EDDM13: variants seen among roughly 807,000 people sequenced by gnomAD.
EDDM13 encodes epididymal protein 13.
A neutral mutation model predicts 17.8 loss-of-function variants in EDDM13; 24 were observed. The ratio of observed to expected loss-of-function variants is 1.35; its 90% CI spans 0.98 to 1.90. The LOEUF is 1.90. Ranked by LOEUF, EDDM13 falls within the 40% of genes most tolerant of loss-of-function variation. The pLI, the probability that EDDM13 is intolerant of heterozygous loss-of-function variation, is 0.00. For missense variants in EDDM13, 97 were observed against 100.8 expected (o/e 0.96, Z 0.16); for synonymous variants, 31 against 37.5 (o/e 0.83, Z 0.63).
intron 9 of EDDM13, among the ~76,000 whole-genome samples, chr19:56,292,651 C>T (rs1421816006): frequency 6.6e-6 from 1 of 151,964 alleles, no homozygotes; most frequent in Non-Finnish European, 1.5e-5. Context: ...GCAACCATCA[C>T]CACTGACTCC....
chr19:56,287,737 GA>G (rs979562257), intron 6 of EDDM13, among the ~76,000 whole-genome samples: 7 of 152,206 alleles, frequency 4.6e-5, no homozygotes, highest in Non-Finnish European at 1.0e-4. Flanking sequence ...AACAGGTGGG[GA>G]AACTGAGGGC....
intron 8 of EDDM13, among the ~76,000 whole-genome samples, chr19:56,289,596 G>A (rs1420958982): frequency 6.6e-6 from 1 of 152,122 alleles, no homozygotes; most frequent in Non-Finnish European, 1.5e-5. Context: ...TTTCTCTTGT[G>A]TGTGGTGGTC....
intron 12 of EDDM13, 54 bp from the exon 13 acceptor site, chr19:56,301,914 C>T: frequency 8.1e-7 from 1 of 1,231,884 alleles, no homozygotes; most frequent in South Asian, 4.1e-5. Context: ...ACAGGAAGCT[C>T]TAAGGCAGGA....
rs185302471 is a variant in EDDM13, at chr19:56,302,397, A to G, written c.423+302A>G. Among the ~76,000 whole-genome samples the G allele has an allele frequency of 5.8e-3, 565 of 98,054 alleles. 18 individuals carry two copies. The East Asian group carries it at 0.14, about 24-fold the overall frequency. The allele number at this position is 98,054 out of a possible 152,430, so 64.3% of individuals were successfully genotyped here. A position where few individuals can be genotyped will look rare whatever the true frequency, so the allele number is the denominator to read the frequency against. ...TCCTCCTTCTCTCTCCTCCCTCCCT[A>G]TTCTTTCCTCCTCCCTTCATCCCTC... is the stretch of plus-strand genomic sequence containing the variant. On this transcript the variant is annotated intron_variant, in intron 13 of 14. Coordinates refer to ENST00000649256, the MANE Select transcript of EDDM13 (RefSeq NM_001354658.2).
intron 9 of EDDM13, 145 bp from the exon 10 acceptor site, chr19:56,295,814 T>C: frequency 6.5e-6 from 1 of 153,368 alleles, no homozygotes; most frequent in Non-Finnish European, 1.5e-5. Flanking sequence ...TGTGCTCCCA[T>C]CGCTCTGTCT....
At chr19:56,288,540 C>T (rs902305574) in intron 7 of EDDM13, among the ~76,000 whole-genome samples, 102 bp downstream of exon 7, 1 of 152,200 alleles carries the variant, frequency 6.6e-6, no homozygotes, top group African/African-American at 2.4e-5. Flanking sequence ...TTGCTGTCTG[C>T]TTCTCTCTGA....
intron 8 of EDDM13, among the ~76,000 whole-genome samples, chr19:56,289,567 T>A (rs1487753415): frequency 1.3e-5 from 2 of 152,156 alleles, no homozygotes; most frequent in Non-Finnish European, 2.9e-5. Context: ...GTATGGCACA[T>A]AGTTGGACCA....
At chr19:56,308,006 C>A (rs374347280) in intron 14 of EDDM13, among the ~76,000 whole-genome samples, 1 of 152,160 alleles carries the variant, frequency 6.6e-6, no homozygotes, top group African/African-American at 2.4e-5. Context: ...TTCTCTTGAT[C>A]CCCCCACCCA....
intron 12 of EDDM13, among the ~76,000 whole-genome samples, chr19:56,301,565 C>A (rs1443381538): frequency 6.6e-6 from 1 of 152,150 alleles, no homozygotes; most frequent in African/African-American, 2.4e-5. Context: ...CTTGTGCCAA[C>A]CTCCTATTGT....
chr19:56,291,326 C>T (rs1182051279), intron 9 of EDDM13, among the ~76,000 whole-genome samples: 1 of 152,108 alleles, frequency 6.6e-6, no homozygotes, highest in Non-Finnish European at 1.5e-5. Context: ...AAGATGAATC[C>T]CCACGGAAAC....
chr19:56,296,568 C>G (rs569010682), intron 11 of EDDM13, among the ~76,000 whole-genome samples: 1 of 152,106 alleles, frequency 6.6e-6, no homozygotes, highest in African/African-American at 2.4e-5. Flanking sequence ...AAATGTTATT[C>G]TAGGTGTTAG....
intron 9 of EDDM13, among the ~76,000 whole-genome samples, 188 bp downstream of exon 9, chr19:56,291,034 G>A (rs1340060947): frequency 2.0e-5 from 3 of 152,202 alleles, no homozygotes; most frequent in Admixed American, 1.3e-4. Flanking sequence ...CCCAGATTGT[G>A]TGGAGAGCCG....
intron 1 of EDDM13, among the ~76,000 whole-genome samples, chr19:56,273,468 A>G (rs4801307): frequency 0.13 from 19,400 of 152,030 alleles, 1,624 homozygotes; most frequent in Middle Eastern, 0.2. Flanking sequence ...TAGTGATGAA[A>G]ATAGTTCTGT....
intron 12 of EDDM13, among the ~76,000 whole-genome samples, chr19:56,298,383 A>G (rs1457083156): frequency 1.3e-5 from 2 of 152,130 alleles, no homozygotes; most frequent in Non-Finnish European, 2.9e-5. Flanking sequence ...CACATCTGTA[A>G]TCCCAGCATT....
At chr19:56,304,204 G>A (rs1028180890) in intron 13 of EDDM13, among the ~76,000 whole-genome samples, 19 of 152,238 alleles carry the variant, frequency 1.2e-4, no homozygotes, top group African/African-American at 4.1e-4. Flanking sequence ...GGACCTGGCG[G>A]TGCTCATGGA....
At chr19:56,273,905 T>A (rs750715147) in intron 1 of EDDM13, among the ~76,000 whole-genome samples, 2 of 152,150 alleles carry the variant, frequency 1.3e-5, no homozygotes, top group Admixed American at 1.3e-4. Flanking sequence ...TTAAACAATG[T>A]GTCTTGCCCT....
intron 2 of EDDM13, among the ~76,000 whole-genome samples, chr19:56,277,017 G>T (rs186322464): frequency 4.6e-4 from 70 of 152,248 alleles, no homozygotes; most frequent in African/African-American, 1.6e-3. Context: ...TCAGAAAAAT[G>T]GAAGCCAAAG....
intron 2 of EDDM13, among the ~76,000 whole-genome samples, chr19:56,278,567 G>C (rs550283258): frequency 8.0e-4 from 122 of 152,316 alleles, no homozygotes; most frequent in African/African-American, 2.8e-3. Flanking sequence ...TATACATATA[G>C]ATACATATAT....
rs1261120797 is a variant in EDDM13 at position 56,290,859 on chromosome 19, T to C, written c.232+13T>C. Among the ~76,000 whole-genome samples the C allele has an allele frequency of 2.6e-5, 4 of 152,204 alleles. No homozygotes were observed. Among genetic ancestry groups the C allele is most frequent in the Admixed American group, 2.6e-4 (4 of 15,278 alleles). On this transcript the variant is annotated intron_variant, in intron 9 of 14. Transcript: ENST00000649256. ...CCTCCAGTAAAAAGTAAGTTATTTTTCCTTTCCTATGGGTCACTTGGAAGT... is the reference window on the plus strand; with the variant it reads ...CCTCCAGTAAAAAGTAAGTTATTTTCCCTTTCCTATGGGTCACTTGGAAGT...
Sources: gnomAD v4.1 joint callset for allele counts (sites outside exome capture counted in the v4.1 genomes callset) on GRCh38, gnomAD v4.1.1 for gene constraint, MANE v1.5 for transcripts, NCBI Gene and HGNC (gene_info 2026-07-23, HGNC 2026-07-21) for gene names.